The following GABRB1 variants were observed in gnomAD, a reference collection of about 807,000 sequenced individuals.
The protein encoded by GABRB1 is gamma-aminobutyric acid type A receptor subunit beta1.
A neutral mutation model predicts 51.6 loss-of-function variants in GABRB1; 17 were observed. The observed-to-expected ratio is 0.33, with a 90% CI of 0.23 to 0.49. The LOEUF (loss-of-function observed/expected upper bound fraction) is 0.49. Among genes scored for constraint, GABRB1 ranks in the 20% least tolerant of loss-of-function variants. The pLI is 0.99. For missense variants in GABRB1, 410 were observed against 600.6 expected (o/e 0.68, Z 3.32); for synonymous variants, 247 against 218.9 (o/e 1.13, Z -1.14).
chr4:47,217,314 A>G (rs1355869592), intron 4 of GABRB1, among the ~76,000 whole-genome samples: 1 of 151,864 alleles, frequency 6.6e-6, no homozygotes, highest in Admixed American at 6.6e-5. Flanking sequence ...GTACTTTTTC[A>G]TGTCTGATAC....
intron 5 of GABRB1, among the ~76,000 whole-genome samples, chr4:47,330,231 T>C (rs1020981157): frequency 3.9e-5 from 6 of 152,296 alleles, no homozygotes; most frequent in Non-Finnish European, 7.4e-5. Flanking sequence ...GCAAGCTGCT[T>C]TATTCAGTCT....
At chr4:47,354,975 C>T (rs1195117069) in intron 5 of GABRB1, among the ~76,000 whole-genome samples, 1 of 104,436 alleles carries the variant, frequency 9.6e-6, no homozygotes, top group African/African-American at 3.9e-5. Flanking sequence ...TTTCTTTCTT[C>T]CTTTGTTTTT....
intron 4 of GABRB1, among the ~76,000 whole-genome samples, chr4:47,253,380 C>T (rs952071210): frequency 1.3e-5 from 2 of 152,074 alleles, no homozygotes. Flanking sequence ...TTGAAGAAAC[C>T]CTGAAATGAC....
chr4:47,214,256 G>T (rs948509913), intron 4 of GABRB1, among the ~76,000 whole-genome samples: 1 of 152,108 alleles, frequency 6.6e-6, no homozygotes, highest in Non-Finnish European at 1.5e-5. Context: ...TGTTTACCAC[G>T]GGTGGTGGGA....
intron 3 of GABRB1, 77 bp from the exon 4 acceptor site, chr4:47,161,172 C>A: frequency 1.0e-6 from 1 of 958,736 alleles, no homozygotes; most frequent in Non-Finnish European, 1.6e-6. Context: ...TCTTACAGGA[C>A]ATCCTACATG....
chr4:47,349,011 A>G (rs1471719955), intron 5 of GABRB1, among the ~76,000 whole-genome samples: 1 of 152,170 alleles, frequency 6.6e-6, no homozygotes, highest in East Asian at 1.9e-4. Context: ...TGCTTGAATT[A>G]ATGGATAAAC....
intron 3 of GABRB1, among the ~76,000 whole-genome samples, chr4:47,068,743 A>T (rs1727190140): frequency 6.6e-6 from 1 of 152,186 alleles, no homozygotes; most frequent in Non-Finnish European, 1.5e-5. Flanking sequence ...AACAGATATA[A>T]TAATCATGAA....
intron 5 of GABRB1, among the ~76,000 whole-genome samples, chr4:47,384,713 CTCTGTT>C (rs954671506): frequency 1.3e-5 from 2 of 152,044 alleles, no homozygotes; most frequent in African/African-American, 4.8e-5. Context: ...AGATAAGTGC[CTCTGTT>C]TCTATTTTAC....
At chr4:47,016,839 C>T (rs1283070380) in intron 1 of GABRB1, among the ~76,000 whole-genome samples, 3 of 152,128 alleles carry the variant, frequency 2.0e-5, no homozygotes, top group Middle Eastern at 3.2e-3. Flanking sequence ...ATCCACTGAC[C>T]TCAGTCTCCC....
chr4:47,371,178 A>C (rs573130689), intron 5 of GABRB1, among the ~76,000 whole-genome samples: 19 of 149,880 alleles, frequency 1.3e-4, no homozygotes, highest in African/African-American at 4.4e-4. Flanking sequence ...ATAAGTGAGA[A>C]TATGTGGTGT....
chr4:47,299,646 T>A (rs1724164883), intron 4 of GABRB1, among the ~76,000 whole-genome samples: 1 of 152,146 alleles, frequency 6.6e-6, no homozygotes, highest in Admixed American at 6.5e-5. Flanking sequence ...TTGGTGGGAC[T>A]GTAAACTAGT....
chr4:47,023,635 T>A (rs1026625541), intron 1 of GABRB1, among the ~76,000 whole-genome samples: 2 of 152,054 alleles, frequency 1.3e-5, no homozygotes, highest in Non-Finnish European at 2.9e-5. Context: ...GCCATTAGCA[T>A]TCAGAAATAA....
At chr4:47,019,327 T>C (rs1349682269) in intron 1 of GABRB1, among the ~76,000 whole-genome samples, 1 of 152,160 alleles carries the variant, frequency 6.6e-6, no homozygotes, top group Non-Finnish European at 1.5e-5. Flanking sequence ...TTGTCTACCC[T>C]AACCTCAAAA....
intron 3 of GABRB1, among the ~76,000 whole-genome samples, chr4:47,034,634 C>A (rs548814077): frequency 1.3e-5 from 2 of 152,208 alleles, no homozygotes; most frequent in East Asian, 3.9e-4. Flanking sequence ...CTTGTTTCTC[C>A]TTTTAATGAG....
intron 4 of GABRB1, among the ~76,000 whole-genome samples, chr4:47,239,375 T>C (rs1309319132): frequency 6.6e-6 from 1 of 152,206 alleles, no homozygotes; most frequent in African/African-American, 2.4e-5. Flanking sequence ...ATTAGTGAAC[T>C]TCTTTGGGTT....
At chr4:47,039,968 A>G (rs1725764726) in intron 3 of GABRB1, among the ~76,000 whole-genome samples, 3 of 152,198 alleles carry the variant, frequency 2.0e-5, no homozygotes, top group African/African-American at 7.2e-5. Flanking sequence ...TTCTGAAAGG[A>G]TACACAAAAG....
rs981899155 is a variant in GABRB1 at position 47,190,059 on chromosome 4, T to C, written c.461+28590T>C. On this transcript the variant is annotated intron_variant, in intron 4 of 8. Coordinates refer to ENST00000295454, the MANE Select transcript of GABRB1 (RefSeq NM_000812.4). ...CAATCTTGGTCTTGTTCTCATTCTC[T>C]AGCAGGTTAAAAACCAGAATAATTT... is the stretch of plus-strand genomic sequence containing the variant. 1.1e-4 allele frequency among the ~76,000 whole-genome samples: 16 copies of C among 152,172 alleles called. 1 individual carries two copies. Among genetic ancestry groups the C allele is most frequent in the Admixed American group, 7.2e-4 (11 of 15,258 alleles).
At chr4:47,217,504 C>A (rs62303965) in intron 4 of GABRB1, among the ~76,000 whole-genome samples, 3 of 151,686 alleles carry the variant, frequency 2.0e-5, no homozygotes, top group Non-Finnish European at 4.4e-5. Flanking sequence ...CCTGTTCATG[C>A]TTGTCTCTAG....
chr4:47,017,274 T>C (rs765099555), intron 1 of GABRB1, among the ~76,000 whole-genome samples: 236 of 152,336 alleles, frequency 1.5e-3, no homozygotes, highest in Non-Finnish European at 2.2e-3. Context: ...ATGATTTTGA[T>C]ATGACACAAC....
Sources: gnomAD v4.1 joint callset for allele counts (sites outside exome capture counted in the v4.1 genomes callset) on GRCh38, gnomAD v4.1.1 for gene constraint, MANE v1.5 for transcripts, NCBI Gene and HGNC (gene_info 2026-07-23, HGNC 2026-07-21) for gene names.